SEMA3D: variants seen among roughly 807,000 people sequenced by gnomAD.
The protein encoded by SEMA3D is semaphorin 3D, also known as semaphorin-3D.
A neutral mutation model predicts 100.1 loss-of-function variants in SEMA3D; 84 were observed. The observed-to-expected ratio is 0.84, with a 90% CI of 0.70 to 1.01. SEMA3D has a LOEUF of 1.01. Ranked by LOEUF, SEMA3D falls within the 50% of genes least tolerant of loss-of-function variation. The pLI, the probability that SEMA3D is intolerant of heterozygous loss-of-function variation, is 0.00. For synonymous variants in SEMA3D, 312 were observed against 320.7 expected (o/e 0.97, Z 0.29); for missense variants, 875 against 934.1 (o/e 0.94, Z 0.82).
the SEMA3D span, among the ~76,000 whole-genome samples, chr7:85,201,263 A>G: frequency 6.6e-6 from 1 of 152,114 alleles, no homozygotes; most frequent in Non-Finnish European, 1.5e-5. Context: ...CCTCCTCCCT[A>G]GAAGCTGTGC....
intron 1 of SEMA3D, among the ~76,000 whole-genome samples, chr7:85,176,008 T>C (rs975688374): frequency 6.6e-6 from 1 of 152,036 alleles, no homozygotes; most frequent in African/African-American, 2.4e-5. Flanking sequence ...TTTTTAAAAC[T>C]AGTACTCTCA....
intron 4 of SEMA3D, among the ~76,000 whole-genome samples, chr7:85,084,796 T>A (rs1327121535): frequency 2.0e-5 from 3 of 152,180 alleles, no homozygotes; most frequent in African/African-American, 7.2e-5. Context: ...CACCGTGTGT[T>A]GTTCCCCTCT....
the SEMA3D span, among the ~76,000 whole-genome samples, chr7:85,250,192 A>T: frequency 1.5e-4 from 22 of 147,288 alleles, no homozygotes; most frequent in Admixed American, 8.3e-4. Context: ...CGAGATTATA[A>T]CCCGCACCTG....
At chr7:85,164,076 C>T (rs150137724) in intron 1 of SEMA3D, among the ~76,000 whole-genome samples, 586 of 152,108 alleles carry the variant, frequency 3.9e-3, no homozygotes, top group Middle Eastern at 0.017. Context: ...AATTAGTTTG[C>T]AATAAAGTTG....
At chr7:85,137,549 A>G (rs568059841) in intron 2 of SEMA3D, among the ~76,000 whole-genome samples, 1 of 152,120 alleles carries the variant, frequency 6.6e-6, no homozygotes, top group African/African-American at 2.4e-5. Flanking sequence ...CTCCATTTTC[A>G]TGCCACTAAT....
At chr7:85,190,583 C>G (rs1365194128), upstream of SEMA3D, among the ~76,000 whole-genome samples, 1 of 152,004 alleles carries the variant, frequency 6.6e-6, no homozygotes, top group Non-Finnish European at 1.5e-5. Flanking sequence ...TAGCAATACA[C>G]TCATCACTGG....
At chr7:85,184,491 GT>G (rs555647505) in intron 1 of SEMA3D, among the ~76,000 whole-genome samples, 124 of 146,830 alleles carry the variant, frequency 8.4e-4, no homozygotes, top group South Asian at 1.3e-3. Flanking sequence ...TTATGTCTTT[GT>G]TTTTTTTTTC....
intron 17 of SEMA3D, among the ~76,000 whole-genome samples, chr7:85,010,094 G>A (rs2115769909): frequency 6.6e-6 from 1 of 151,900 alleles, no homozygotes; most frequent in South Asian, 2.1e-4. Context: ...GATATAAAAA[G>A]ATGGAGCTAA....
At chr7:85,107,644 T>C (rs1788970072) in intron 3 of SEMA3D, among the ~76,000 whole-genome samples, 1 of 151,918 alleles carries the variant, frequency 6.6e-6, no homozygotes, top group African/African-American at 2.4e-5. Context: ...TTGATTTTAA[T>C]GACTTCAATG....
At chr7:85,104,803 A>AG (rs1405128081) in intron 3 of SEMA3D, among the ~76,000 whole-genome samples, 2 of 151,956 alleles carry the variant, frequency 1.3e-5, no homozygotes, top group Non-Finnish European at 2.9e-5. Flanking sequence ...AGAAAAGAAA[A>AG]GAAAAAAAAT....
chr7:85,167,820 T>C (rs1790951590), intron 1 of SEMA3D, among the ~76,000 whole-genome samples: 1 of 151,828 alleles, frequency 6.6e-6, no homozygotes, highest in Admixed American at 6.6e-5. Context: ...GATGAATACA[T>C]TGGGAAATGT....
chr7:85,041,978 T>A, intron 10 of SEMA3D, 193 bp downstream of exon 10: 1 of 553,916 alleles, frequency 1.8e-6, no homozygotes, highest in Non-Finnish European at 3.2e-6. Flanking sequence ...AAGAGAAGAG[T>A]TACTGCATTA....
chr7:85,119,959 AT>A (rs527903255), intron 3 of SEMA3D, among the ~76,000 whole-genome samples: 719 of 138,802 alleles, frequency 5.2e-3, no homozygotes, highest in African/African-American at 6.9e-3. Flanking sequence ...CATTAAGTGA[AT>A]TTTTTTTTTT....
intron 5 of SEMA3D, among the ~76,000 whole-genome samples, chr7:85,074,239 C>A (rs1282271841): frequency 6.6e-6 from 1 of 152,102 alleles, no homozygotes; most frequent in African/African-American, 2.4e-5. Flanking sequence ...AGAAAAAGTC[C>A]AGTTTCTTTC....
the SEMA3D span, among the ~76,000 whole-genome samples, chr7:85,242,591 AT>A: frequency 6.6e-6 from 1 of 152,016 alleles, no homozygotes; most frequent in African/African-American, 2.4e-5. Flanking sequence ...GTTCCTACTG[AT>A]TTACTGCTTG....
chr7:85,033,578 G>T (rs936795841), intron 12 of SEMA3D, among the ~76,000 whole-genome samples: 1 of 151,994 alleles, frequency 6.6e-6, no homozygotes, highest in Admixed American at 6.6e-5. Context: ...CAACTGCTGG[G>T]TCTACATATG....
chr7:85,106,853 G>A (rs1244304034), intron 3 of SEMA3D, among the ~76,000 whole-genome samples: 3 of 151,954 alleles, frequency 2.0e-5, no homozygotes, highest in Non-Finnish European at 4.4e-5. Context: ...CAGACCTCAT[G>A]ACAACTCACT....
chr7:85,013,991 G>A (rs2115797502), intron 16 of SEMA3D, among the ~76,000 whole-genome samples: 1 of 151,644 alleles, frequency 6.6e-6, no homozygotes, highest in South Asian at 2.1e-4. Context: ...ACAAAATGTG[G>A]GTGACTTTTA....
the SEMA3D span, among the ~76,000 whole-genome samples, chr7:85,217,415 C>T: frequency 1.1e-4 from 16 of 152,048 alleles, no homozygotes; most frequent in Non-Finnish European, 2.2e-4. Flanking sequence ...CTTGTCCTCA[C>T]AGATCTTATA....
Sources: allele counts gnomAD v4.1 joint callset (sites outside exome capture counted in the v4.1 genomes callset), GRCh38; gene constraint gnomAD v4.1.1; transcripts MANE v1.5; gene names NCBI Gene and HGNC (gene_info 2026-07-23, HGNC 2026-07-21).